C11orf54: variants seen among roughly 807,000 people sequenced by gnomAD.
C11orf54 encodes the protein beta-keto L-gulonate decarboxylase.
C11orf54 carries 29 observed loss-of-function variants against 35.5 expected under a neutral mutation model. The ratio of observed to expected loss-of-function variants is 0.82; its 90% CI spans 0.61 to 1.11. The LOEUF (loss-of-function observed/expected upper bound fraction) is 1.11, where lower values mean the gene tolerates loss of function less well. Ranked by LOEUF, C11orf54 falls within the 50% of genes most tolerant of loss-of-function variation. The probability of loss-of-function intolerance (pLI) is 0.00; values close to 1 mark genes in which losing one functional copy is unlikely to be tolerated. For missense variants in C11orf54, 373 were observed against 369.2 expected (o/e 1.01, Z -0.08); for synonymous variants, 108 against 121.1 (o/e 0.89, Z 0.71).
chr11:93,763,897 G>A lies in C11orf54; in HGVS notation c.*2209G>A, dbSNP rs1943566595. On this transcript the variant is annotated 3_prime_UTR_variant, in exon 9 of 9. Coordinates refer to ENST00000354421, the MANE Select transcript of C11orf54 (RefSeq NM_001286069.2). ...GACAACAGGGAAGGAGACTGACTTG[G>A]AGTTTTTTGGTGGTTAGGGAGTAGG... 6.6e-6 allele frequency: 1 copy of A among 152,274 alleles called. No homozygotes were observed. Among genetic ancestry groups the A allele is most frequent in the Non-Finnish European group, 1.5e-5 (1 of 68,068 alleles). 9.4% of individuals were successfully genotyped at this position (152,274 alleles called of 1,614,324 possible).
Position 93,759,784 on chromosome 11 carries a change from G to C in C11orf54, c.700G>C (p.Val234Leu). The change falls in exon 8 of 9, where the codon GTG becomes CTG. Residue 234 changes from valine to leucine, a missense_variant. By Grantham distance (32) the Val-to-Leu change is conservative. Transcript: ENST00000354421. ...CTGCCCCTTGAACTCTGATGAAGAAGTGAATAAATGGTTGCATTTTTATGA... is the reference window on the plus strand; with the variant it reads ...CTGCCCCTTGAACTCTGATGAAGAACTGAATAAATGGTTGCATTTTTATGA... ...SSCPLNSDEE[V>L]NKWLHFYEMK... The C allele has an allele frequency of 6.2e-7, 1 of 1,609,952 alleles. No homozygotes were observed. Among genetic ancestry groups the C allele is most frequent in the Middle Eastern group, 1.7e-4 (1 of 6,048 alleles).
rs1200760513 is a variant in C11orf54 at position 93,759,635 on chromosome 11, TC to T, written c.658-106del. ...TGTTCTACACATGTAACCCAGAACT[TC>T]AAGTATAATTAAACAATAATAATAA... On this transcript the variant is annotated intron_variant, in intron 7 of 8. Coordinates refer to ENST00000354421, the MANE Select transcript of C11orf54 (RefSeq NM_001286069.2). 5 of 468,718 alleles carry T rather than the reference TC, an allele frequency of 1.1e-5. No individual in the cohort carries two copies. The East Asian group carries it at 1.8e-4, about 17-fold the overall frequency. 29.0% of individuals were successfully genotyped at this position (468,718 alleles called of 1,614,324 possible). A position where few individuals can be genotyped will look rare whatever the true frequency, so the allele number is the denominator to read the frequency against.
intron 3 of C11orf54, among the ~76,000 whole-genome samples, chr11:93,751,809 A>G (rs1023116717): frequency 1.5e-4 from 23 of 149,680 alleles, no homozygotes; most frequent in Admixed American, 2.8e-4. Flanking sequence ...AAAGAAGGAA[A>G]AATGGTTAAT....
chr11:93,745,043 A>T (rs977387482), intron 1 of C11orf54, among the ~76,000 whole-genome samples: 1 of 152,206 alleles, frequency 6.6e-6, no homozygotes, highest in Non-Finnish European at 1.5e-5. Context: ...CTCTTTACCC[A>T]AACATCTCAG....
chr11:93,760,823 T>A (rs607615), intron 8 of C11orf54, among the ~76,000 whole-genome samples: 83,801 of 151,324 alleles, frequency 0.55, 24,606 homozygotes, highest in Admixed American at 0.69. Context: ...CACACCCGGC[T>A]AATTTTTGTA....
intron 1 of C11orf54, among the ~76,000 whole-genome samples, chr11:93,745,404 C>T (rs377068789): frequency 2.6e-5 from 4 of 152,074 alleles, no homozygotes; most frequent in East Asian, 3.9e-4. Flanking sequence ...TGGAGAATGG[C>T]GATGACTTTT....
rs867371279 is a variant in C11orf54 at position 93,756,506 on chromosome 11, G to A, written c.508-810G>A. ...ACCTGTCTTAAAAAAAAAAAAAAAAGACTACTTAGTAAGCAAGACCTTTTT... is the reference window on the plus strand; with the variant it reads ...ACCTGTCTTAAAAAAAAAAAAAAAAAACTACTTAGTAAGCAAGACCTTTTT... On this transcript the variant is annotated intron_variant, in intron 6 of 8. Coordinates refer to ENST00000354421, the MANE Select transcript of C11orf54 (RefSeq NM_001286069.2). 3.2e-3 allele frequency among the ~76,000 whole-genome samples: 455 copies of A among 142,310 alleles called. 5 individuals carry two copies. The highest frequency in any genetic ancestry group is 0.011 in the African/African-American group (424 of 39,218). The allele number at this position is 142,310 out of a possible 152,430, so 93.4% of individuals were successfully genotyped here.
chr11:93,746,419 T>C (rs1016127588), intron 1 of C11orf54: 2 of 152,274 alleles, frequency 1.3e-5, no homozygotes, highest in South Asian at 4.1e-4. Context: ...ATATTACTTA[T>C]ATTTTTCCCT....
In C11orf54 at chr11:93,757,251, A is replaced by G; in HGVS notation, c.508-65A>G. On this transcript the variant is annotated intron_variant, in intron 6 of 8. Transcript: ENST00000354421. Reference sequence around the variant, plus strand: ...TTTGCTTGATAGAATTAAATTATATAATGTTTTATTTCAGTAGTTATTTTG... The same window carrying G: ...TTTGCTTGATAGAATTAAATTATATGATGTTTTATTTCAGTAGTTATTTTG... 2.0e-6 allele frequency: 3 copies of G among 1,487,590 alleles called. No individual in the cohort carries two copies. The South Asian group carries it at 3.7e-5, about 18-fold the overall frequency. The allele number at this position is 1,487,590 out of a possible 1,614,324, so 92.1% of individuals were successfully genotyped here. A position where few individuals can be genotyped will look rare whatever the true frequency, so the allele number is the denominator to read the frequency against.
intron 1 of C11orf54, among the ~76,000 whole-genome samples, chr11:93,743,976 C>T (rs995751235): frequency 2.0e-5 from 3 of 152,166 alleles, no homozygotes; most frequent in African/African-American, 7.2e-5. Flanking sequence ...CTCTCCCCAC[C>T]TCCAACACAC....
intron 5 of C11orf54, chr11:93,754,818 C>T (rs1384729824): frequency 6.7e-6 from 1 of 150,046 alleles, no homozygotes; most frequent in Non-Finnish European, 1.5e-5. Flanking sequence ...ACTGCAACCT[C>T]CACCTCCCAG....
intron 3 of C11orf54, among the ~76,000 whole-genome samples, chr11:93,752,100 G>C (rs1942866745): frequency 6.6e-6 from 1 of 151,990 alleles, no homozygotes; most frequent in African/African-American, 2.4e-5. Context: ...GCCCGCCTCG[G>C]CCTCCCAAAG....
chr11:93,758,393 T>A (rs559473778), intron 7 of C11orf54, among the ~76,000 whole-genome samples: 14 of 152,314 alleles, frequency 9.2e-5, no homozygotes, highest in African/African-American at 2.9e-4. Context: ...GCTGCAGACC[T>A]GGGTCTCCCG....
chr11:93,753,645 AGG>A (rs1202524657), intron 3 of C11orf54, 35 bp from the exon 4 acceptor site: 3 of 1,573,838 alleles, frequency 1.9e-6, no homozygotes, highest in Non-Finnish European at 2.6e-6. Flanking sequence ...CCTGTTTTTA[AGG>A]TGGCTTGTGT....
At chr11:93,759,143 G>C (rs1943322552) in intron 7 of C11orf54, among the ~76,000 whole-genome samples, 1 of 152,182 alleles carries the variant, frequency 6.6e-6, no homozygotes, top group South Asian at 2.1e-4. Context: ...ATTTGACCCG[G>C]CAATCCCATT....
intron 8 of C11orf54, among the ~76,000 whole-genome samples, chr11:93,761,225 G>A (rs977191072): frequency 1.3e-5 from 2 of 152,116 alleles, no homozygotes; most frequent in Non-Finnish European, 2.9e-5. Flanking sequence ...ATGCAGAAAA[G>A]TGTGTACAAA....
At chr11:93,752,116 G>A (rs1942867570) in intron 3 of C11orf54, among the ~76,000 whole-genome samples, 1 of 151,918 alleles carries the variant, frequency 6.6e-6, no homozygotes, top group Non-Finnish European at 1.5e-5. Flanking sequence ...CAAAGTGCTG[G>A]GATTACAGGT....
At chr11:93,748,386 G>C (rs1341975656) in intron 2 of C11orf54, among the ~76,000 whole-genome samples, 1 of 151,952 alleles carries the variant, frequency 6.6e-6, no homozygotes, top group Non-Finnish European at 1.5e-5. Context: ...GGCCTCACTC[G>C]ATGCTCCTGC....
At chr11:93,747,803 CTTACA>C (rs1942565886) in intron 2 of C11orf54, among the ~76,000 whole-genome samples, 1 of 152,116 alleles carries the variant, frequency 6.6e-6, no homozygotes, top group Admixed American at 6.6e-5. Flanking sequence ...ACTTTTTTCA[CTTACA>C]TTATTCTTTA....
Sources: allele counts gnomAD v4.1 joint callset (sites outside exome capture counted in the v4.1 genomes callset), GRCh38; gene constraint gnomAD v4.1.1; transcripts MANE v1.5; gene names NCBI Gene and HGNC (gene_info 2026-07-23, HGNC 2026-07-21).